HDAC8: variants seen among roughly 807,000 people sequenced by gnomAD.
The protein encoded by HDAC8 is histone deacetylase 8, also known as histone deacetylase-like 1.
A neutral mutation model predicts 32.2 loss-of-function variants in HDAC8; 1 was observed. The ratio of observed to expected loss-of-function variants is 0.03; its 90% CI spans 0.01 to 0.15. The LOEUF is 0.15. Among genes scored for constraint, HDAC8 ranks in the 10% least tolerant of loss-of-function variants. The pLI is 1.00. For synonymous variants in HDAC8, 108 were observed against 113.9 expected, an observed-to-expected ratio of 0.95 and a Z score of 0.33; for missense variants, 117 against 300.0, an observed-to-expected ratio of 0.39 and a Z score of 4.51.
intron 7 of HDAC8, among the ~76,000 whole-genome samples, chrX:72,470,201 CATAA>C (rs1436759442): frequency 4.9e-5 from 5 of 102,839 alleles, no homozygotes; most frequent in South Asian, 4.1e-4. Flanking sequence ...TACATACATA[CATAA>C]ATACAACATA....
intron 4 of HDAC8, among the ~76,000 whole-genome samples, chrX:72,547,319 A>G (rs183292966): frequency 9.2e-6 from 1 of 108,956 alleles, no homozygotes; most frequent in Non-Finnish European, 1.9e-5. Context: ...TTTTGATTAT[A>G]TGGCTAGACT....
At chrX:72,444,270 T>C (rs2047293720) in intron 9 of HDAC8, among the ~76,000 whole-genome samples, 1 of 104,666 alleles carries the variant, frequency 9.6e-6, no homozygotes, top group Non-Finnish European at 1.9e-5. Context: ...TGATGAACAT[T>C]GATGCAAAAA....
In HDAC8 at chrX:72,366,598, A is replaced by G. The variant is rs149426222; in HGVS notation, c.1006-14760T>C. Among the ~76,000 whole-genome samples, 50 of 111,960 alleles carry G rather than the reference A, an allele frequency of 4.5e-4. No individual in the cohort carries two copies. In the East Asian group the frequency reaches 0.013, roughly 30 times the overall value. ...GGGCAGTGTTCTCCTCAAGGGTGGG[A>G]ACTGGGCCTTATTCTTTTCTTTGTC... On this transcript the variant is annotated intron_variant, in intron 9 of 10. Transcript: ENST00000373573.
chrX:72,458,045 G>A (rs1184689926), intron 9 of HDAC8, among the ~76,000 whole-genome samples: 5 of 111,342 alleles, frequency 4.5e-5, no homozygotes, highest in Non-Finnish European at 7.5e-5. Flanking sequence ...ATAAGTCACG[G>A]GATCTAAATA....
At position 72,494,364 on chromosome X, in the gene HDAC8, C is replaced by T. The variant is rs1556011754; in HGVS notation, c.550+792G>A. ...CTATGCCTTGATTATGTTAGTTTGTCTGAAAAAAAAAAAATCCCTGGAAAC... is the reference window on the plus strand; with the variant it reads ...CTATGCCTTGATTATGTTAGTTTGTTTGAAAAAAAAAAAATCCCTGGAAAC... On this transcript the variant is annotated intron_variant, in intron 5 of 10. Transcript: ENST00000373573. 3.8e-5 allele frequency among the ~76,000 whole-genome samples: 4 copies of T among 106,572 alleles called. 1 individual carries two copies. The East Asian group carries it at 1.2e-3, about 31-fold the overall frequency. The allele number at this position is 106,572 out of a possible 115,157, so 92.5% of individuals were successfully genotyped here. A position where few individuals can be genotyped will look rare whatever the true frequency, so the allele number is the denominator to read the frequency against.
intron 4 of HDAC8, among the ~76,000 whole-genome samples, chrX:72,559,260 C>T (rs1481719844): frequency 1.7e-4 from 18 of 107,656 alleles, no homozygotes; most frequent in Admixed American, 8.9e-4. Flanking sequence ...TTGGTGGAGA[C>T]GGGGTTTCGC....
At chrX:72,499,041 T>C (rs782242465) in intron 4 of HDAC8, among the ~76,000 whole-genome samples, 2 of 111,526 alleles carry the variant, frequency 1.8e-5, no homozygotes, top group African/African-American at 3.3e-5. Flanking sequence ...TCTCTCTTGC[T>C]TCCTCTCTCA....
chrX:72,416,123 G>A (rs906365424), intron 9 of HDAC8, among the ~76,000 whole-genome samples: 1 of 111,005 alleles, frequency 9.0e-6, no homozygotes, highest in Admixed American at 9.6e-5. Context: ...TTCTTTAAAT[G>A]TTTGGTAGAA....
chrX:72,513,776 C>T (rs2049677217), intron 4 of HDAC8, among the ~76,000 whole-genome samples: 1 of 111,583 alleles, frequency 9.0e-6, no homozygotes, highest in Non-Finnish European at 1.9e-5. Context: ...ACTAGAGAAA[C>T]ACTGGAACAG....
chrX:72,423,562 T>C (rs2046551343), intron 9 of HDAC8, among the ~76,000 whole-genome samples: 1 of 112,497 alleles, frequency 8.9e-6, no homozygotes, highest in Non-Finnish European at 1.9e-5. Flanking sequence ...AATTTTTGGC[T>C]AAATTAACAT....
intron 9 of HDAC8, among the ~76,000 whole-genome samples, chrX:72,442,041 G>T (rs1330618659): frequency 9.0e-6 from 1 of 111,215 alleles, no homozygotes; most frequent in African/African-American, 3.3e-5. Flanking sequence ...TATGTGAAAA[G>T]ACCAAATCTA....
chrX:72,529,894 T>A (rs1375227498), intron 4 of HDAC8, among the ~76,000 whole-genome samples: 20 of 111,004 alleles, frequency 1.8e-4, no homozygotes, highest in Admixed American at 1.6e-3. Flanking sequence ...TCTTATGAGA[T>A]CTGGTTGTTT....
At chrX:72,440,796 A>G (rs1025388807) in intron 9 of HDAC8, among the ~76,000 whole-genome samples, 8 of 112,207 alleles carry the variant, frequency 7.1e-5, no homozygotes, top group African/African-American at 2.6e-4. Context: ...AAGGGGTGAC[A>G]GACAGCACCT....
intron 4 of HDAC8, among the ~76,000 whole-genome samples, chrX:72,529,231 A>C (rs2050253370): frequency 8.9e-6 from 1 of 112,613 alleles, no homozygotes; most frequent in Admixed American, 9.4e-5. Flanking sequence ...TGAATGTTAC[A>C]TTATATGGCA....
At chrX:72,559,989 G>C (rs1386651488) in intron 4 of HDAC8, among the ~76,000 whole-genome samples, 1 of 89,340 alleles carries the variant, frequency 1.1e-5, no homozygotes, top group Non-Finnish European at 2.3e-5. Context: ...GGAGGTGGGG[G>C]GCGCCTCTGC....
In HDAC8 at chrX:72,457,052, G is replaced by A. The variant is rs1301329312; in HGVS notation, c.1005+4952C>T. ...GCAGGGTTTATTCCAGGAATGCAAA[G>A]TCAGTTTAACATTAAAAAATCAGTG... On this transcript the variant is annotated intron_variant, in intron 9 of 10. Coordinates refer to ENST00000373573, the MANE Select transcript of HDAC8 (RefSeq NM_018486.3). Among the ~76,000 whole-genome samples, 5 of 111,171 alleles carry A rather than the reference G, an allele frequency of 4.5e-5. No individual in the cohort carries two copies. In the Admixed American group the frequency reaches 4.8e-4, roughly 11 times the overall value.
At chrX:72,532,323 G>A (rs1556036508) in intron 4 of HDAC8, among the ~76,000 whole-genome samples, 5 of 97,611 alleles carry the variant, frequency 5.1e-5, no homozygotes, top group Non-Finnish European at 8.0e-5. Flanking sequence ...CAAACTCCTG[G>A]TCTCAAGCAA....
chrX:72,495,360 C>T, intron 4 of HDAC8, 92 bp from the exon 5 acceptor site: 1 of 464,753 alleles, frequency 2.2e-6, no homozygotes, highest in African/African-American at 2.5e-5. Flanking sequence ...ATCTAGTCCC[C>T]TAAAGTTCCC....
chrX:72,468,917 G>A (rs1158259318), intron 7 of HDAC8, among the ~76,000 whole-genome samples: 3 of 111,548 alleles, frequency 2.7e-5, no homozygotes, highest in African/African-American at 9.8e-5. Flanking sequence ...CCCCCTGCCT[G>A]TTCTAACTCT....
Sources: gnomAD v4.1 joint callset for allele counts (sites outside exome capture counted in the v4.1 genomes callset) on GRCh38, gnomAD v4.1.1 for gene constraint, MANE v1.5 for transcripts, NCBI Gene and HGNC (gene_info 2026-07-23, HGNC 2026-07-21) for gene names.